Variants in DYRK4 observed in about 807,000 individuals in gnomAD.
DYRK4 encodes the protein dual specificity tyrosine-phosphorylation-regulated kinase 4.
In DYRK4, 64 loss-of-function variants were observed where a neutral mutation model predicts 68.3. The ratio of observed to expected loss-of-function variants is 0.94; its 90% CI spans 0.77 to 1.15. The LOEUF (loss-of-function observed/expected upper bound fraction) is 1.15, where lower values mean the gene tolerates loss of function less well. DYRK4 is among the 50% of genes most tolerant of loss of function. DYRK4 has a pLI of 0.00. For synonymous variants in DYRK4, 274 were observed against 289.9 expected (o/e 0.95, Z 0.56); for missense variants, 740 against 764.7 (o/e 0.97, Z 0.38).
At chr12:4,580,486 G>T (rs759415161) in intron 2 of DYRK4, among the ~76,000 whole-genome samples, 7 of 152,154 alleles carry the variant, frequency 4.6e-5, no homozygotes, top group Non-Finnish European at 8.8e-5. Flanking sequence ...TTTGTTCAAG[G>T]TCTGTAGCAG....
chr12:4,576,127 G>A (rs948774427), intron 2 of DYRK4, among the ~76,000 whole-genome samples: 11 of 152,178 alleles, frequency 7.2e-5, no homozygotes, highest in Non-Finnish European at 1.3e-4. Flanking sequence ...ATTATAGGAT[G>A]ATACCGGATA....
chr12:4,584,218 G>T (rs1405687734), intron 2 of DYRK4, among the ~76,000 whole-genome samples: 1 of 152,168 alleles, frequency 6.6e-6, no homozygotes, highest in Non-Finnish European at 1.5e-5. Flanking sequence ...CAGGTTTCTG[G>T]GCTCTACTGC....
chr12:4,574,085 C>G (rs1462462939), intron 2 of DYRK4, among the ~76,000 whole-genome samples: 1 of 151,916 alleles, frequency 6.6e-6, no homozygotes, highest in Non-Finnish European at 1.5e-5. Flanking sequence ...ATTAGCCGTG[C>G]GTGGTGGCGG....
At chr12:4,590,619 C>A in intron 4 of DYRK4, 179 bp downstream of exon 4, 1 of 1,286,876 alleles carries the variant, frequency 7.8e-7, no homozygotes, top group Non-Finnish European at 9.9e-7. Context: ...AGTCCTTGAC[C>A]TTTTCTTAGC....
chr12:4,599,270 C>CTTTTGTTTTTTTTTTTTT (rs375183364), intron 9 of DYRK4, 104 bp downstream of exon 9: 1 of 387,720 alleles, frequency 2.6e-6, no homozygotes. Context: ...TTGCCTTTGA[C>CTTTTGTTTTTTTTTTTTT]TTTTTTTTTT....
At chr12:4,588,799 C>A (rs1944923313) in intron 2 of DYRK4, 138 bp from the exon 3 acceptor site, 14 of 689,230 alleles carry the variant, frequency 2.0e-5, no homozygotes, top group Non-Finnish European at 3.4e-5. Context: ...CTTATTGGAG[C>A]CTCTCTTGGC....
At chr12:4,585,414 C>T (rs1419476385) in intron 2 of DYRK4, among the ~76,000 whole-genome samples, 1 of 152,186 alleles carries the variant, frequency 6.6e-6, no homozygotes, top group Non-Finnish European at 1.5e-5. Context: ...GCTGTAATAT[C>T]TTTTGCTTTT....
intron 2 of DYRK4, among the ~76,000 whole-genome samples, chr12:4,572,598 G>C (rs1210599276): frequency 6.6e-6 from 1 of 152,120 alleles, no homozygotes; most frequent in Non-Finnish European, 1.5e-5. Context: ...CCTGGCCTAT[G>C]GACATGTTTT....
intron 11 of DYRK4, among the ~76,000 whole-genome samples, chr12:4,606,573 G>T (rs529282502): frequency 8.5e-5 from 13 of 152,298 alleles, no homozygotes; most frequent in South Asian, 6.2e-4. Context: ...CCCAGCTCTG[G>T]ACTATAAAAT....
intron 2 of DYRK4, among the ~76,000 whole-genome samples, chr12:4,580,628 T>A (rs900261269): frequency 6.6e-6 from 1 of 152,126 alleles, no homozygotes; most frequent in African/African-American, 2.4e-5. Flanking sequence ...CCCAAAGAGT[T>A]TGTTTCTTTC....
At chr12:4,573,025 C>T in intron 2 of DYRK4, 1 of 297,526 alleles carries the variant, frequency 3.4e-6, no homozygotes, top group Non-Finnish European at 6.5e-6. Context: ...GAAATCAGTT[C>T]AAGCTGAAGA....
At chr12:4,612,466 T>G in intron 13 of DYRK4, 77 bp from the exon 14 acceptor site, 1 of 1,436,240 alleles carries the variant, frequency 7.0e-7, no homozygotes, top group Non-Finnish European at 9.3e-7. Flanking sequence ...TAAAAATCTT[T>G]ATTGGGTTTT....
At chr12:4,598,790 A>T (rs1450436291) in intron 8 of DYRK4, among the ~76,000 whole-genome samples, 1 of 152,220 alleles carries the variant, frequency 6.6e-6, no homozygotes, top group South Asian at 2.1e-4. Context: ...AAAGTGCTTC[A>T]GTGGCCTTGT....
In DYRK4 at chr12:4,589,066, G is replaced by T. The variant is rs566079229; in HGVS notation, c.213+49G>T. 1.9e-3 allele frequency: 2,828 copies of T among 1,518,734 alleles called. 11 individuals are homozygous for T. Among genetic ancestry groups the T allele is most frequent in the South Asian group, 5.5e-3 (460 of 83,336 alleles). The allele number at this position is 1,518,734 out of a possible 1,614,324, so 94.1% of individuals were successfully genotyped here. On this transcript the variant is annotated intron_variant, in intron 3 of 14. Coordinates refer to ENST00000543431, the MANE Select transcript of DYRK4 (RefSeq NM_001394779.1). ...TTTCTCTAGGAGAGAATGAGGAGAG[G>T]TGGGTGGCCAGGGTAGCTTTGAACA...
At chr12:4,606,587 G>A (rs998515351) in intron 11 of DYRK4, among the ~76,000 whole-genome samples, 8 of 152,260 alleles carry the variant, frequency 5.3e-5, no homozygotes, top group African/African-American at 1.9e-4. Flanking sequence ...ATAAAATGAG[G>A]GGAGCAGAGA....
intron 2 of DYRK4, among the ~76,000 whole-genome samples, chr12:4,582,965 G>T (rs1165293486): frequency 6.6e-6 from 1 of 152,164 alleles, no homozygotes; most frequent in East Asian, 1.9e-4. Context: ...TCAGGAGGAA[G>T]GGTAGAGGAT....
chr12:4,582,015 CTT>C (rs1250794740), intron 2 of DYRK4, among the ~76,000 whole-genome samples: 2 of 152,182 alleles, frequency 1.3e-5, no homozygotes, highest in African/African-American at 4.8e-5. Flanking sequence ...TTTTAAATAA[CTT>C]TGTGCATGAA....
chr12:4,563,311 C>T (rs1390636584), intron 1 of DYRK4: 1 of 372,930 alleles, frequency 2.7e-6, no homozygotes, highest in Non-Finnish European at 5.3e-6. Context: ...GGAAGGGACT[C>T]TCTAGCAATA....
chr12:4,564,891 T>C (rs969794159), intron 1 of DYRK4, among the ~76,000 whole-genome samples: 1 of 152,148 alleles, frequency 6.6e-6, no homozygotes, highest in Non-Finnish European at 1.5e-5. Flanking sequence ...AAAAAATATA[T>C]GCACCTAAGA....
Sources: gnomAD v4.1 joint callset for allele counts (sites outside exome capture counted in the v4.1 genomes callset) on GRCh38, gnomAD v4.1.1 for gene constraint, MANE v1.5 for transcripts, NCBI Gene and HGNC (gene_info 2026-07-23, HGNC 2026-07-21) for gene names.